GRIK4: variants seen among roughly 807,000 people sequenced by gnomAD.
GRIK4 encodes glutamate receptor ionotropic, kainate 4.
A neutral mutation model predicts 104.9 loss-of-function variants in GRIK4; 40 were observed. The ratio of observed to expected loss-of-function variants is 0.38; its 90% CI spans 0.30 to 0.50. The LOEUF (loss-of-function observed/expected upper bound fraction) is 0.50. Ranked by LOEUF, GRIK4 falls within the 20% of genes least tolerant of loss-of-function variation. The pLI, the probability that GRIK4 is intolerant of heterozygous loss-of-function variation, is 0.93. For missense variants in GRIK4, 1,047 were observed against 1,308.1 expected (o/e 0.80, Z 3.08); for synonymous variants, 485 against 524.9 (o/e 0.92, Z 1.04).
At chr11:120,949,758 C>T (rs928147640) in intron 14 of GRIK4, among the ~76,000 whole-genome samples, 1 of 152,122 alleles carries the variant, frequency 6.6e-6, no homozygotes, top group Non-Finnish European at 1.5e-5. Flanking sequence ...GTGTGGCATG[C>T]CTATGGCACA....
intron 3 of GRIK4, among the ~76,000 whole-genome samples, chr11:120,687,572 T>C (rs1445604557): frequency 1.3e-5 from 2 of 152,162 alleles, no homozygotes; most frequent in South Asian, 4.1e-4. Context: ...GGCCATATGA[T>C]CCTGTAGTTG....
At chr11:120,529,583 T>C (rs1384537827) in intron 1 of GRIK4, among the ~76,000 whole-genome samples, 1 of 152,242 alleles carries the variant, frequency 6.6e-6, no homozygotes, top group East Asian at 1.9e-4. Flanking sequence ...ACATGTAAGT[T>C]CCCTGTCGGG....
intron 3 of GRIK4, among the ~76,000 whole-genome samples, chr11:120,682,882 C>G (rs1395121781): frequency 6.6e-6 from 1 of 152,014 alleles, no homozygotes; most frequent in Non-Finnish European, 1.5e-5. Flanking sequence ...CCACCTCTGT[C>G]ACTACACTTA....
chr11:120,724,727 G>A (rs1011306592), intron 3 of GRIK4, among the ~76,000 whole-genome samples: 1 of 152,178 alleles, frequency 6.6e-6, no homozygotes, highest in East Asian at 1.9e-4. Context: ...TTTTGTCAAG[G>A]TTTAGTATGC....
intron 1 of GRIK4, among the ~76,000 whole-genome samples, chr11:120,530,599 A>G (rs1947912515): frequency 1.3e-5 from 2 of 152,186 alleles, no homozygotes; most frequent in South Asian, 4.2e-4. Flanking sequence ...TTGGGAAGCC[A>G]TTTCCTGCAA....
At chr11:120,922,073 C>T (rs980454959) in intron 13 of GRIK4, among the ~76,000 whole-genome samples, 3 of 152,200 alleles carry the variant, frequency 2.0e-5, no homozygotes, top group Admixed American at 6.5e-5. Context: ...GCTCAACTCC[C>T]GTGGCTCCCT....
rs776269821 is a variant in GRIK4 at position 120,985,947 on chromosome 11, T to C, written c.2558T>C (p.Ile853Thr). ...ATGGTGACCGAGCTGCGCAGCATTA[T>C]CCTGTGTCAGGACAGTATCCACCCC... The part of the protein sequence containing the change: ...QEMVTELRSI[I>T]LCQDSIHPRR... The change falls in exon 21 of 21, where the codon ATC becomes ACC. Residue 853 changes from isoleucine (I) to threonine (T), a missense_variant. Ile to Thr is a moderately conservative substitution (Grantham distance 89). Around this residue, in one of 3 missense-constraint regions of GRIK4, gnomAD observed 440 missense variants for 652.3 expected, o/e 0.67. Coordinates refer to ENST00000527524, the MANE Select transcript of GRIK4 (RefSeq NM_014619.5). 1.1e-5 allele frequency: 17 copies of C among 1,549,414 alleles called. No homozygotes were observed. The South Asian group carries it at 1.9e-4, about 17-fold the overall frequency.
intron 1 of GRIK4, among the ~76,000 whole-genome samples, chr11:120,541,676 A>G (rs1409698749): frequency 4.6e-5 from 7 of 151,970 alleles, no homozygotes; most frequent in South Asian, 2.1e-4. Flanking sequence ...TTTTTTTTGT[A>G]GAGACAGGGT....
Position 120,918,255 on chromosome 11 carries a change from A to G in GRIK4, c.1476+12762A>G, listed in dbSNP as rs918398021. ...CAAGCCTAAGTCTCTGAGCTTGCCAAACTGGTTCTCTCACTCCCCTTCCCC... is the reference window on the plus strand; with the variant it reads ...CAAGCCTAAGTCTCTGAGCTTGCCAGACTGGTTCTCTCACTCCCCTTCCCC... On this transcript the variant is annotated intron_variant, in intron 13 of 20. Transcript: ENST00000527524. Among the ~76,000 whole-genome samples the G allele has an allele frequency of 2.6e-5, 4 of 152,152 alleles. No homozygotes were observed. In the East Asian group the frequency reaches 7.7e-4, roughly 29 times the overall value.
At chr11:120,861,077 G>T (rs1954250207) in intron 8 of GRIK4, among the ~76,000 whole-genome samples, 1 of 143,456 alleles carries the variant, frequency 7.0e-6, no homozygotes, top group African/African-American at 2.6e-5. Flanking sequence ...GTTAGGTAGG[G>T]TTCAGAAATC....
intron 3 of GRIK4, among the ~76,000 whole-genome samples, chr11:120,780,846 A>G (rs934926352): frequency 2.0e-5 from 3 of 152,156 alleles, no homozygotes; most frequent in African/African-American, 2.4e-5. Flanking sequence ...GGTTCACACC[A>G]TTCTCCTGCC....
At chr11:120,982,309 C>T (rs550609219) in intron 20 of GRIK4, 85 bp downstream of exon 20, 98 of 777,124 alleles carry the variant, frequency 1.3e-4, no homozygotes, top group Non-Finnish European at 1.9e-4. Context: ...TTATTTCAGA[C>T]GCTTACCACA....
intron 11 of GRIK4, among the ~76,000 whole-genome samples, chr11:120,886,160 T>C (rs117534010): frequency 3.9e-5 from 6 of 152,324 alleles, no homozygotes; most frequent in Non-Finnish European, 7.3e-5. Context: ...TTTGCAGACA[T>C]GTACAGAGCA....
At chr11:120,756,233 CAT>C (rs1169043986) in intron 3 of GRIK4, among the ~76,000 whole-genome samples, 8 of 152,334 alleles carry the variant, frequency 5.3e-5, no homozygotes, top group East Asian at 1.9e-4. Context: ...ATTTGTCAGA[CAT>C]GTGTGTGCCC....
At chr11:120,917,877 G>A (rs1173061657) in intron 13 of GRIK4, among the ~76,000 whole-genome samples, 1 of 152,228 alleles carries the variant, frequency 6.6e-6, no homozygotes, top group Non-Finnish European at 1.5e-5. Flanking sequence ...TAAGGGGAGT[G>A]AAGGGTCTGC....
At position 120,939,937 on chromosome 11, in the gene GRIK4, G is replaced by A. The variant is rs1010203638; in HGVS notation, c.1477-410G>A. Among the ~76,000 whole-genome samples, 18 of 151,554 alleles carry A rather than the reference G, an allele frequency of 1.2e-4. No homozygotes were observed. Among genetic ancestry groups the A allele is most frequent in the African/African-American group, 3.6e-4 (15 of 41,156 alleles). Reference sequence around the variant, plus strand: ...AGAGGTTGCGGCGAGCCGAGATGGCGCCACTGCACTCCAGCCTGGGCGACA... The same window carrying A: ...AGAGGTTGCGGCGAGCCGAGATGGCACCACTGCACTCCAGCCTGGGCGACA... On this transcript the variant is annotated intron_variant, in intron 13 of 20. Transcript: ENST00000527524. The surrounding 1 kb of genome is among the most constrained non-coding windows in gnomAD (Gnocchi z 5.6).
intron 14 of GRIK4, among the ~76,000 whole-genome samples, chr11:120,946,325 T>C (rs979081457): frequency 2.0e-5 from 3 of 152,168 alleles, no homozygotes; most frequent in Non-Finnish European, 4.4e-5. Context: ...TGGGATTAAG[T>C]GTTTGGCCCA....
rs776440015 is a variant in GRIK4 at position 120,889,588 on chromosome 11, C to CTTTTTTTTTTTTTTTTTTTT, written c.1165-8944_1165-8943insTTTTTTTTTTTTTTTTTTTT. Among the ~76,000 whole-genome samples the CTTTTTTTTTTTTTTTTTTTT allele has an allele frequency of 1.8e-4, 12 of 67,144 alleles. 4 individuals are homozygous for CTTTTTTTTTTTTTTTTTTTT. Among genetic ancestry groups the CTTTTTTTTTTTTTTTTTTTT allele is most frequent in the East Asian group, 1.1e-3 (2 of 1,750 alleles). The allele number at this position is 67,144 out of a possible 152,430, so 44.0% of individuals were successfully genotyped here. ...AATAGAATAAAATAGAAAGAGCTTA[C>CTTTTTTTTTTTTTTTTTTTT]ATTTTTTTTTTTTTTTTTTTTTTTT... On this transcript the variant is annotated intron_variant, in intron 11 of 20. Coordinates refer to ENST00000527524, the MANE Select transcript of GRIK4 (RefSeq NM_014619.5).
At chr11:120,650,180 C>T (rs564888612) in intron 1 of GRIK4, among the ~76,000 whole-genome samples, 2 of 152,162 alleles carry the variant, frequency 1.3e-5, no homozygotes, top group Non-Finnish European at 2.9e-5. Context: ...ATGGGAGCTG[C>T]GGGCTCCTTG....
Sources: gnomAD v4.1 joint callset for allele counts (sites outside exome capture counted in the v4.1 genomes callset) on GRCh38, gnomAD v4.1.1 for gene constraint, gnomAD v4.1.1 regional missense constraint, Gnocchi (gnomAD v3.1) non-coding constraint, MANE v1.5 for transcripts, NCBI Gene and HGNC (gene_info 2026-07-23, HGNC 2026-07-21) for gene names.